The following EYS variants were observed in gnomAD, a reference collection of about 807,000 sequenced individuals.
The protein encoded by EYS is EGF-like photoreceptor maintenance factor.
EYS carries 250 observed loss-of-function variants against 282.1 expected under a neutral mutation model. That is an observed-to-expected ratio of 0.89 (90% CI 0.80 to 0.98). EYS has a LOEUF of 0.98. Ranked by LOEUF, EYS falls within the 50% of genes least tolerant of loss-of-function variation. The probability of loss-of-function intolerance (pLI) is 0.00; values close to 1 mark genes in which losing one functional copy is unlikely to be tolerated. For missense variants in EYS, 4,016 were observed against 3,709.0 expected, an observed-to-expected ratio of 1.08 and a Z score of -2.15; for synonymous variants, 1,355 against 1,282.9, an observed-to-expected ratio of 1.06 and a Z score of -1.20.
intron 35 of EYS, among the ~76,000 whole-genome samples, chr6:63,890,361 C>T (rs1053597029): frequency 2.0e-5 from 3 of 152,164 alleles, no homozygotes; most frequent in African/African-American, 7.2e-5. Flanking sequence ...AAATACTCCT[C>T]AGTAAATGCA....
intron 2 of EYS, among the ~76,000 whole-genome samples, chr6:65,531,342 G>A (rs977767991): frequency 1.3e-5 from 2 of 152,072 alleles, no homozygotes; most frequent in South Asian, 2.1e-4. Flanking sequence ...TAAAGAAAAC[G>A]CTTCATAAAT....
intron 29 of EYS, among the ~76,000 whole-genome samples, chr6:64,321,206 A>G (rs1057201259): frequency 2.0e-5 from 3 of 151,740 alleles, no homozygotes; most frequent in Non-Finnish European, 4.4e-5. Flanking sequence ...TACTATGAAC[A>G]CTTATTAATT....
intron 33 of EYS, among the ~76,000 whole-genome samples, chr6:64,029,725 G>A (rs985304058): frequency 1.3e-5 from 2 of 152,226 alleles, no homozygotes; most frequent in African/African-American, 4.8e-5. Flanking sequence ...GCCATAGTTA[G>A]TGATGTCACC....
intron 2 of EYS, among the ~76,000 whole-genome samples, chr6:65,564,042 A>T (rs1386165719): frequency 2.6e-5 from 4 of 152,162 alleles, no homozygotes; most frequent in African/African-American, 9.7e-5. Flanking sequence ...GAGAATAAAA[A>T]TACCTAGGAA....
chr6:64,029,038 A>G (rs1769681360), intron 33 of EYS, among the ~76,000 whole-genome samples: 1 of 152,184 alleles, frequency 6.6e-6, no homozygotes, highest in Admixed American at 6.5e-5. Context: ...ATCCCCAGAT[A>G]CAGCGAGATA....
chr6:64,594,165 T>C (rs1245838676), intron 24 of EYS, among the ~76,000 whole-genome samples: 1 of 152,146 alleles, frequency 6.6e-6, no homozygotes, highest in Non-Finnish European at 1.5e-5. Context: ...CCATATTCTG[T>C]AGTCACTTTC....
At chr6:64,154,193 C>T (rs903688126) in intron 31 of EYS, among the ~76,000 whole-genome samples, 2 of 152,236 alleles carry the variant, frequency 1.3e-5, no homozygotes, top group Middle Eastern at 3.4e-3. Context: ...GTAATCCCAG[C>T]ACTTTGGGAT....
intron 26 of EYS, among the ~76,000 whole-genome samples, chr6:64,465,767 T>A (rs1582789088): frequency 6.6e-6 from 1 of 151,624 alleles, no homozygotes; most frequent in Non-Finnish European, 1.5e-5. Flanking sequence ...TACATCAAAT[T>A]AAAAATCTTC....
At chr6:64,133,999 A>T (rs929261491) in intron 31 of EYS, among the ~76,000 whole-genome samples, 3 of 152,046 alleles carry the variant, frequency 2.0e-5, no homozygotes, top group African/African-American at 7.2e-5. Flanking sequence ...ATCTAGGAAG[A>T]GTGAATAGTT....
intron 6 of EYS, 63 bp from the exon 7 acceptor site, chr6:65,402,668 G>A: frequency 9.2e-7 from 1 of 1,081,290 alleles, no homozygotes; most frequent in Non-Finnish European, 1.4e-6. Flanking sequence ...TAATGAATGG[G>A]TTCTTACCTG....
At chr6:65,509,363 G>A (rs1165429597) in intron 2 of EYS, among the ~76,000 whole-genome samples, 1 of 152,084 alleles carries the variant, frequency 6.6e-6, no homozygotes, top group African/African-American at 2.4e-5. Context: ...CAGTTTTTGA[G>A]GGTTCCAGTT....
chr6:64,658,093 A>G (rs1278940852), intron 22 of EYS, among the ~76,000 whole-genome samples: 1 of 151,934 alleles, frequency 6.6e-6, no homozygotes, highest in Non-Finnish European at 1.5e-5. Flanking sequence ...TTCTTGCTTC[A>G]TTTCATTCAT....
At chr6:65,288,486 CAT>C (rs1384879254) in intron 12 of EYS, among the ~76,000 whole-genome samples, 3 of 150,430 alleles carry the variant, frequency 2.0e-5, no homozygotes, top group African/African-American at 7.3e-5. Context: ...CAAGCACACA[CAT>C]GTGTATTTGG....
intron 11 of EYS, among the ~76,000 whole-genome samples, chr6:65,323,317 A>G (rs1426500320): frequency 1.4e-5 from 2 of 145,272 alleles, no homozygotes; most frequent in Non-Finnish European, 3.0e-5. Context: ...AGATTCTAAA[A>G]TGAACCATAA....
chr6:64,284,550 T>TC, intron 30 of EYS, among the ~76,000 whole-genome samples: 1 of 152,238 alleles, frequency 6.6e-6, no homozygotes, highest in South Asian at 2.1e-4. Flanking sequence ...TCCACAGCTC[T>TC]ACTAGGTTGT....
chr6:64,711,583 A>G (rs1404261110), intron 22 of EYS, among the ~76,000 whole-genome samples: 1 of 152,250 alleles, frequency 6.6e-6, no homozygotes, highest in Non-Finnish European at 1.5e-5. Flanking sequence ...TGTAAAGAAT[A>G]TAATGAATCG....
chr6:64,749,190 C>G (rs1772662211), intron 22 of EYS, among the ~76,000 whole-genome samples: 2 of 152,172 alleles, frequency 1.3e-5, no homozygotes, highest in Non-Finnish European at 2.9e-5. Flanking sequence ...GTATATTAAA[C>G]CCTAGTTCTT....
rs374822968 is a variant in EYS, at chr6:65,178,998, G to A, written c.2023+116865C>T. ...ACAAAATGAAGGCAGAAATAAAGAT[G>A]TCCTTTGAAACCAATGAGAACAAAG... is the stretch of plus-strand genomic sequence containing the variant. On this transcript the variant is annotated intron_variant, in intron 12 of 42. Coordinates refer to ENST00000503581, the MANE Select transcript of EYS (RefSeq NM_001142800.2). Among the ~76,000 whole-genome samples, 12 of 152,198 alleles carry A rather than the reference G, an allele frequency of 7.9e-5. No homozygotes were observed. The East Asian group carries it at 1.9e-3, about 25-fold the overall frequency.
chr6:63,956,833 C>G (rs995169396), intron 35 of EYS, among the ~76,000 whole-genome samples: 3 of 152,232 alleles, frequency 2.0e-5, no homozygotes, highest in Non-Finnish European at 1.5e-5. Flanking sequence ...ATTTTCCCGC[C>G]CCTGGATAGT....
Sources: gnomAD v4.1 joint callset for allele counts (sites outside exome capture counted in the v4.1 genomes callset) on GRCh38, gnomAD v4.1.1 for gene constraint, MANE v1.5 for transcripts, NCBI Gene and HGNC (gene_info 2026-07-23, HGNC 2026-07-21) for gene names.